The following CALN1 variants were observed in gnomAD, a reference collection of about 807,000 sequenced individuals.
CALN1 encodes calneuron 1.
A neutral mutation model predicts 30.6 loss-of-function variants in CALN1; 17 were observed. The ratio of observed to expected loss-of-function variants is 0.56; its 90% CI spans 0.38 to 0.83. CALN1 has a LOEUF of 0.83. Among genes scored for constraint, CALN1 ranks in the 40% least tolerant of loss-of-function variants. CALN1 has a pLI of 0.00. For missense variants in CALN1, 291 were observed against 354.9 expected, an observed-to-expected ratio of 0.82 and a Z score of 1.45; for synonymous variants, 156 against 131.4, an observed-to-expected ratio of 1.19 and a Z score of -1.28.
At chr7:71,888,379 C>G (rs993846108) in intron 5 of CALN1, among the ~76,000 whole-genome samples, 2 of 146,522 alleles carry the variant, frequency 1.4e-5, no homozygotes, top group African/African-American at 5.1e-5. Flanking sequence ...GACTTGTGCA[C>G]TAAAAGTGGG....
chr7:72,099,125 G>C (rs979176508), intron 4 of CALN1, among the ~76,000 whole-genome samples: 1 of 152,154 alleles, frequency 6.6e-6, no homozygotes, highest in Non-Finnish European at 1.5e-5. Context: ...AAGAAGACTG[G>C]TGTGTGGGCC....
At chr7:72,465,765 T>C in the CALN1 span, among the ~76,000 whole-genome samples, 402 of 152,250 alleles carry the variant, frequency 2.6e-3, no homozygotes, top group Non-Finnish European at 4.5e-3. Context: ...GGCTTTGTTG[T>C]TAAAACAGTT....
At chr7:72,459,565 G>A in the CALN1 span, among the ~76,000 whole-genome samples, 11 of 149,870 alleles carry the variant, frequency 7.3e-5, no homozygotes, top group African/African-American at 2.0e-4. Context: ...AGTGGAGGCT[G>A]CAGTGAGCTA....
chr7:72,099,128 T>C (rs934763347), intron 4 of CALN1, among the ~76,000 whole-genome samples: 1 of 151,892 alleles, frequency 6.6e-6, no homozygotes, highest in Non-Finnish European at 1.5e-5. Context: ...AAGACTGGTG[T>C]GTGGGCCAGA....
chr7:72,413,278 A>G (rs759065063), upstream of CALN1, among the ~76,000 whole-genome samples: 1 of 150,704 alleles, frequency 6.6e-6, no homozygotes, highest in Non-Finnish European at 1.5e-5. Context: ...ACACACATGC[A>G]CACACACACC....
At chr7:72,384,805 A>AG (rs1215894501) in intron 2 of CALN1, among the ~76,000 whole-genome samples, 1 of 152,184 alleles carries the variant, frequency 6.6e-6, no homozygotes, top group African/African-American at 2.4e-5. Flanking sequence ...AAAGAAAAAA[A>AG]AATTACTAGT....
intron 5 of CALN1, among the ~76,000 whole-genome samples, chr7:71,818,673 TTTATTTA>T (rs1788405579): frequency 3.5e-4 from 1 of 2,866 alleles, no homozygotes; most frequent in African/African-American, 8.5e-4. Context: ...ACCAGCTTAT[TTTATTTA>T]TTTATTTATT....
chr7:72,105,378 T>C (rs1807014147), intron 4 of CALN1, among the ~76,000 whole-genome samples: 1 of 152,158 alleles, frequency 6.6e-6, no homozygotes, highest in South Asian at 2.1e-4. Flanking sequence ...CCAGAGACAC[T>C]GAGGGTTAGC....
chr7:72,302,392 G>A (rs1445279616), intron 2 of CALN1, among the ~76,000 whole-genome samples: 1 of 152,182 alleles, frequency 6.6e-6, no homozygotes, highest in Admixed American at 6.5e-5. Context: ...CTGCACATCA[G>A]CATCATCAGA....
chr7:72,402,626 G>A (rs772282801), intron 2 of CALN1, among the ~76,000 whole-genome samples: 1 of 152,118 alleles, frequency 6.6e-6, no homozygotes, highest in Non-Finnish European at 1.5e-5. Context: ...GGGTCTCCGA[G>A]GAAAAGAAAA....
chr7:72,336,682 G>A (rs970448988), intron 2 of CALN1: 2 of 985,228 alleles, frequency 2.0e-6, no homozygotes, highest in Non-Finnish European at 1.2e-6. Context: ...GGGTAAGCTA[G>A]GGAGCCGGCG....
the CALN1 span, among the ~76,000 whole-genome samples, chr7:72,454,901 C>T: frequency 6.6e-6 from 1 of 151,680 alleles, no homozygotes; most frequent in African/African-American, 2.4e-5. Flanking sequence ...GCACCATATC[C>T]GCTCACTGCA....
intron 5 of CALN1, among the ~76,000 whole-genome samples, chr7:71,962,501 A>G (rs1227495785): frequency 6.6e-6 from 1 of 152,222 alleles, no homozygotes; most frequent in Non-Finnish European, 1.5e-5. Context: ...GCCATATTTG[A>G]GCCCTCTGCA....
intron 5 of CALN1, among the ~76,000 whole-genome samples, chr7:71,830,044 T>TG (rs1226193418): frequency 6.6e-6 from 1 of 151,692 alleles, no homozygotes; most frequent in African/African-American, 2.4e-5. Context: ...TTTTTTTTTT[T>TG]TTTTGTTCTT....
intron 3 of CALN1, among the ~76,000 whole-genome samples, chr7:72,270,009 G>A (rs779887898): frequency 6.6e-6 from 1 of 152,106 alleles, no homozygotes; most frequent in Non-Finnish European, 1.5e-5. Flanking sequence ...TGATTAAACA[G>A]ATAGGGTATC....
At chr7:72,266,598 T>C (rs556865405) in intron 3 of CALN1, among the ~76,000 whole-genome samples, 3 of 152,344 alleles carry the variant, frequency 2.0e-5, no homozygotes, top group South Asian at 2.1e-4. Flanking sequence ...CTGACAGCCT[T>C]TGCAGTTGTG....
At chr7:71,954,225 C>T (rs931229330) in intron 5 of CALN1, among the ~76,000 whole-genome samples, 1 of 151,872 alleles carries the variant, frequency 6.6e-6, no homozygotes, top group Non-Finnish European at 1.5e-5. Context: ...TTTGGGAGGC[C>T]GAGGGGCTGA....
chr7:71,832,858 G>A (rs1308378500), intron 5 of CALN1, among the ~76,000 whole-genome samples: 1 of 150,940 alleles, frequency 6.6e-6, no homozygotes, highest in African/African-American at 2.4e-5. Context: ...CACCCGCATT[G>A]GCCTCCCAAA....
chr7:71,971,281 T>C (rs971417937), intron 5 of CALN1, among the ~76,000 whole-genome samples: 1 of 152,062 alleles, frequency 6.6e-6, no homozygotes, highest in African/African-American at 2.4e-5. Context: ...AAACCCCGTC[T>C]CTACTAAAAA....
Sources: allele counts gnomAD v4.1 joint callset (sites outside exome capture counted in the v4.1 genomes callset), GRCh38; gene constraint gnomAD v4.1.1; transcripts MANE v1.5; gene names NCBI Gene and HGNC (gene_info 2026-07-23, HGNC 2026-07-21).